P2RX3: variants seen among roughly 807,000 people sequenced by gnomAD.
P2RX3 encodes the protein P2X purinoceptor 3.
Under a neutral mutation model 51.5 loss-of-function variants are expected in P2RX3, and 41 were observed. That is an observed-to-expected ratio of 0.80 (90% confidence interval 0.62 to 1.03). P2RX3 has a LOEUF of 1.03. Among genes scored for constraint, P2RX3 ranks in the 50% least tolerant of loss-of-function variants. The pLI is 0.00. For synonymous variants in P2RX3, 185 were observed against 191.6 expected (o/e 0.97, Z 0.29); for missense variants, 459 against 522.1 (o/e 0.88, Z 1.18).
At chr11:57,346,492 G>A (rs568567664) in intron 1 of P2RX3, 52 bp from the exon 2 acceptor site, 29 of 1,593,438 alleles carry the variant, frequency 1.8e-5, no homozygotes, top group African/African-American at 1.7e-4. Context: ...GCTTCTGTCT[G>A]CTGGGTCTAT....
intron 8 of P2RX3, among the ~76,000 whole-genome samples, chr11:57,361,596 A>G (rs1856720377): frequency 6.6e-6 from 1 of 152,318 alleles, no homozygotes; most frequent in Middle Eastern, 3.4e-3. Flanking sequence ...TTCCAGCTTC[A>G]TCTATATCCC....
intron 8 of P2RX3, among the ~76,000 whole-genome samples, chr11:57,366,397 G>C (rs540834904): frequency 6.6e-6 from 1 of 152,246 alleles, no homozygotes; most frequent in East Asian, 1.9e-4. Context: ...AATGAAATGG[G>C]ATCATTTTCC....
chr11:57,368,272 G>A, intron 9 of P2RX3, 100 bp from the exon 10 acceptor site: 43 of 1,397,416 alleles, frequency 3.1e-5, no homozygotes, highest in Non-Finnish European at 4.4e-5. Context: ...GGAGGGATCT[G>A]CTGATCCACC....
intron 8 of P2RX3, 143 bp downstream of exon 8, chr11:57,351,041 ACT>A (rs1856539819): frequency 3.3e-6 from 4 of 1,197,006 alleles, no homozygotes; most frequent in Non-Finnish European, 4.7e-6. Flanking sequence ...ATCAGGAAGG[ACT>A]CTCTAACAGC....
At chr11:57,343,058 C>G (rs117452536) in intron 1 of P2RX3, among the ~76,000 whole-genome samples, 25 of 152,246 alleles carry the variant, frequency 1.6e-4, no homozygotes, top group African/African-American at 6.0e-4. Context: ...CCTGCCCTAG[C>G]TCCTGAGCCC....
upstream of P2RX3, among the ~76,000 whole-genome samples, chr11:57,337,574 A>G (rs35707583): frequency 0.033 from 4,950 of 152,278 alleles, 104 homozygotes; most frequent in Non-Finnish European, 0.045. Context: ...CAAGGACAGA[A>G]AACCAAACAC....
intron 6 of P2RX3, among the ~76,000 whole-genome samples, chr11:57,349,137 G>A (rs1188097894): frequency 6.6e-6 from 1 of 152,110 alleles, no homozygotes; most frequent in African/African-American, 2.4e-5. Flanking sequence ...AGTGGGCATT[G>A]GCCATGTGCA....
intron 4 of P2RX3, 89 bp from the exon 5 acceptor site, chr11:57,348,081 T>C (rs930326252): frequency 8.4e-7 from 1 of 1,184,606 alleles, no homozygotes; most frequent in Non-Finnish European, 1.2e-6. Flanking sequence ...CTTGCCAGGG[T>C]CCCTGATGGG....
At chr11:57,347,282 A>G (rs749540869) in intron 3 of P2RX3, 95 bp downstream of exon 3, 52 of 1,496,130 alleles carry the variant, frequency 3.5e-5, no homozygotes, top group Non-Finnish European at 4.6e-5. Flanking sequence ...AGAGGCCCCA[A>G]GTCTGACCTT....
intron 6 of P2RX3, among the ~76,000 whole-genome samples, chr11:57,348,939 C>T (rs748180732): frequency 3.9e-5 from 6 of 152,192 alleles, no homozygotes; most frequent in East Asian, 1.9e-4. Context: ...CAGACCCAAA[C>T]GGGAGTTTTG....
At chr11:57,364,084 C>A (rs557004119) in intron 8 of P2RX3, among the ~76,000 whole-genome samples, 4 of 152,146 alleles carry the variant, frequency 2.6e-5, no homozygotes, top group Non-Finnish European at 5.9e-5. Flanking sequence ...CTGTCAGAGC[C>A]GTTTTCATGG....
At chr11:57,358,246 T>C (rs1417610240) in intron 8 of P2RX3, among the ~76,000 whole-genome samples, 1 of 152,210 alleles carries the variant, frequency 6.6e-6, no homozygotes, top group East Asian at 1.9e-4. Context: ...TGAGTTTCCT[T>C]GCACTGAATG....
intron 2 of P2RX3, 27 bp downstream of exon 2, chr11:57,346,706 T>TG: frequency 6.2e-7 from 1 of 1,611,272 alleles, no homozygotes; most frequent in Non-Finnish European, 8.5e-7. Flanking sequence ...CAGAGAGGCA[T>TG]GTGGATGTCC....
intron 8 of P2RX3, among the ~76,000 whole-genome samples, chr11:57,363,548 C>G (rs1427668969): frequency 6.6e-6 from 1 of 152,200 alleles, no homozygotes; most frequent in Non-Finnish European, 1.5e-5. Flanking sequence ...AGGTACACTG[C>G]TCTAAACTAC....
chr11:57,358,612 G>A (rs1249866792), intron 8 of P2RX3, among the ~76,000 whole-genome samples: 2 of 152,118 alleles, frequency 1.3e-5, no homozygotes, highest in Non-Finnish European at 2.9e-5. Context: ...TTCCTCCTCT[G>A]TAAAATGGGC....
At chr11:57,354,639 G>A (rs1276563636) in intron 8 of P2RX3, among the ~76,000 whole-genome samples, 1 of 151,878 alleles carries the variant, frequency 6.6e-6, no homozygotes, top group East Asian at 1.9e-4. Context: ...AGGTGATGTT[G>A]TGTGTGTGTG....
At chr11:57,362,935 A>G (rs1856743369) in intron 8 of P2RX3, among the ~76,000 whole-genome samples, 1 of 152,172 alleles carries the variant, frequency 6.6e-6, no homozygotes, top group African/African-American at 2.4e-5. Flanking sequence ...TGTAATGATT[A>G]AAGTAAATGT....
chr11:57,344,226 C>T (rs1319919342), intron 1 of P2RX3, among the ~76,000 whole-genome samples: 1 of 152,198 alleles, frequency 6.6e-6, no homozygotes, highest in African/African-American at 2.4e-5. Flanking sequence ...GCTTTGACTA[C>T]ACCCTTTCTC....
At chr11:57,350,244 A>T (rs1472582758) in intron 7 of P2RX3, 1 of 253,800 alleles carries the variant, frequency 3.9e-6, no homozygotes, top group Non-Finnish European at 7.6e-6. Context: ...AAAGCACTGA[A>T]GATCCCAAAA....
Sources: gnomAD v4.1 joint callset for allele counts (sites outside exome capture counted in the v4.1 genomes callset) on GRCh38, gnomAD v4.1.1 for gene constraint, MANE v1.5 for transcripts, NCBI Gene and HGNC (gene_info 2026-07-23, HGNC 2026-07-21) for gene names.